The following KIAA1328 variants were observed in gnomAD, a reference collection of about 807,000 sequenced individuals.
The protein encoded by KIAA1328 is protein hinderin.
KIAA1328 carries 52 observed loss-of-function variants against 68.1 expected under a neutral mutation model. The ratio of observed to expected loss-of-function variants is 0.76; its 90% CI spans 0.61 to 0.96. The LOEUF is 0.96. Ranked by LOEUF, KIAA1328 falls within the 40% of genes least tolerant of loss-of-function variation. KIAA1328 has a pLI of 0.00. For missense variants in KIAA1328, 641 were observed against 677.6 expected, an observed-to-expected ratio of 0.95 and a Z score of 0.60; for synonymous variants, 232 against 239.4, an observed-to-expected ratio of 0.97 and a Z score of 0.28.
intron 7 of KIAA1328, among the ~76,000 whole-genome samples, chr18:37,108,865 GTT>G (rs1254798017): frequency 6.6e-6 from 1 of 152,090 alleles, no homozygotes; most frequent in Non-Finnish European, 1.5e-5. Flanking sequence ...TTACATGTTG[GTT>G]TGCTGCACCC....
intron 6 of KIAA1328, among the ~76,000 whole-genome samples, chr18:37,042,775 T>G (rs1295770337): frequency 1.3e-5 from 2 of 148,846 alleles, no homozygotes; most frequent in Non-Finnish European, 2.9e-5. Context: ...CCGATTAATG[T>G]TTTTCTGGTC....
chr18:37,106,756 ATC>A (rs2057788054), intron 7 of KIAA1328, among the ~76,000 whole-genome samples: 1 of 152,212 alleles, frequency 6.6e-6, no homozygotes, highest in African/African-American at 2.4e-5. Context: ...TATAAATTAT[ATC>A]TCACTAATGC....
chr18:37,050,257 C>G (rs1178710872), intron 6 of KIAA1328, among the ~76,000 whole-genome samples: 1 of 152,064 alleles, frequency 6.6e-6, no homozygotes, highest in Admixed American at 6.5e-5. Context: ...GAAAAAAGGT[C>G]TATACATCTT....
At chr18:37,196,931 CA>C (rs2154218723) in intron 9 of KIAA1328, among the ~76,000 whole-genome samples, 1 of 152,012 alleles carries the variant, frequency 6.6e-6, no homozygotes, top group Non-Finnish European at 1.5e-5. Context: ...GGGAGACTTA[CA>C]AAAAGCCATA....
intron 9 of KIAA1328, among the ~76,000 whole-genome samples, chr18:37,177,974 A>G (rs1320593451): frequency 1.3e-5 from 2 of 152,126 alleles, no homozygotes; most frequent in African/African-American, 2.4e-5. Context: ...TATGGTGAGA[A>G]CATTCAAAAT....
At chr18:37,193,215 G>T (rs907760331) in intron 9 of KIAA1328, among the ~76,000 whole-genome samples, 3 of 152,134 alleles carry the variant, frequency 2.0e-5, no homozygotes, top group Admixed American at 2.0e-4. Flanking sequence ...CTAACAGCCG[G>T]GGTGAAAAAC....
intron 3 of KIAA1328, among the ~76,000 whole-genome samples, chr18:36,838,879 C>T (rs1032317275): frequency 8.5e-5 from 13 of 152,114 alleles, no homozygotes; most frequent in Admixed American, 4.6e-4. Flanking sequence ...GGATTACGGG[C>T]GTGCACCGCC....
chr18:37,129,229 A>AT (rs1487903854), intron 7 of KIAA1328, among the ~76,000 whole-genome samples: 1 of 152,132 alleles, frequency 6.6e-6, no homozygotes, highest in Non-Finnish European at 1.5e-5. Context: ...CATTCCTATA[A>AT]TTTTTTCCTT....
intron 6 of KIAA1328, among the ~76,000 whole-genome samples, chr18:37,028,412 T>C (rs1454419249): frequency 6.6e-6 from 1 of 152,078 alleles, no homozygotes; most frequent in African/African-American, 2.4e-5. Flanking sequence ...TGAAGTTGTT[T>C]ATCTAGGAGC....
intron 7 of KIAA1328, among the ~76,000 whole-genome samples, chr18:37,068,216 T>C (rs114149116): frequency 5.1e-4 from 77 of 152,292 alleles, no homozygotes; most frequent in African/African-American, 1.9e-3. Flanking sequence ...GGGTGTGGAA[T>C]TAGATTGTAA....
chr18:37,035,656 C>T (rs1292255138), intron 6 of KIAA1328, among the ~76,000 whole-genome samples: 5 of 152,068 alleles, frequency 3.3e-5, no homozygotes, highest in Admixed American at 1.3e-4. Flanking sequence ...TTCACGTCCC[C>T]GAATCTCTTC....
At chr18:37,049,054 G>A (rs2055588097) in intron 6 of KIAA1328, among the ~76,000 whole-genome samples, 1 of 152,136 alleles carries the variant, frequency 6.6e-6, no homozygotes, top group African/African-American at 2.4e-5. Context: ...ATTATTTATT[G>A]TGCATTGTGC....
At chr18:36,829,400 G>T in intron 1 of KIAA1328, 3 of 1,353,364 alleles carry the variant, frequency 2.2e-6, no homozygotes, top group Non-Finnish European at 2.8e-6. Flanking sequence ...GTCTGCAGGT[G>T]TGGGGACACG....
intron 3 of KIAA1328, among the ~76,000 whole-genome samples, chr18:36,838,340 A>G (rs866429111): frequency 6.6e-6 from 1 of 152,210 alleles, no homozygotes; most frequent in South Asian, 2.1e-4. Flanking sequence ...AAATTTTACA[A>G]ATGCAACAGA....
intron 7 of KIAA1328, among the ~76,000 whole-genome samples, chr18:37,094,487 T>C (rs2057350088): frequency 6.6e-6 from 1 of 152,108 alleles, no homozygotes; most frequent in Non-Finnish European, 1.5e-5. Context: ...TTCACATGCT[T>C]AAGGGAGTTC....
chr18:36,995,849 G>A (rs1167203556), intron 6 of KIAA1328, among the ~76,000 whole-genome samples: 2 of 152,138 alleles, frequency 1.3e-5, no homozygotes, highest in African/African-American at 4.8e-5. Flanking sequence ...AATTAAATTT[G>A]CATTTTTCCG....
intron 7 of KIAA1328, among the ~76,000 whole-genome samples, chr18:37,151,823 T>G (rs1409699942): frequency 1.3e-5 from 2 of 152,142 alleles, no homozygotes; most frequent in Non-Finnish European, 2.9e-5. Context: ...AGGGCATCCA[T>G]AGAAGAGGGC....
Position 36,835,305 on chromosome 18 carries a change from A to T in KIAA1328, c.166A>T (p.Thr56Ser). ...MSPKADVKLK[T>S]SRVTDASISM... is the part of the protein sequence containing the mutation. ...TCCAAAAGCTGATGTTAAACTTAAGACTTCCAGGGTGACTGATGCTTCAAT... is the reference window on the plus strand; with the variant it reads ...TCCAAAAGCTGATGTTAAACTTAAGTCTTCCAGGGTGACTGATGCTTCAAT... The change falls in exon 3 of 10, where the codon ACT becomes TCT. Residue 56 changes from threonine to serine, a missense_variant. Transcript: ENST00000280020. The T allele has an allele frequency of 1.2e-6, 2 of 1,613,764 alleles. No homozygotes were observed. Among genetic ancestry groups the T allele is most frequent in the South Asian group, 2.2e-5 (2 of 91,070 alleles).
chr18:37,164,649 C>T (rs1599479992), intron 8 of KIAA1328, among the ~76,000 whole-genome samples: 1 of 151,972 alleles, frequency 6.6e-6, no homozygotes. Flanking sequence ...GGGAGGCTGA[C>T]GCAGAAGAAT....
Sources: gnomAD v4.1 joint callset for allele counts (sites outside exome capture counted in the v4.1 genomes callset) on GRCh38, gnomAD v4.1.1 for gene constraint, MANE v1.5 for transcripts, NCBI Gene and HGNC (gene_info 2026-07-23, HGNC 2026-07-21) for gene names.